The following TUBD1 variants were observed in gnomAD, a reference collection of about 807,000 sequenced individuals.
TUBD1 encodes the protein tubulin delta 1, also known as tubulin delta chain.
In TUBD1, 38 loss-of-function variants were observed where a neutral mutation model predicts 51.2. The ratio of observed to expected loss-of-function variants is 0.74; its 90% CI spans 0.57 to 0.97. TUBD1 has a LOEUF of 0.97. Among genes scored for constraint, TUBD1 ranks in the 50% least tolerant of loss-of-function variants. The pLI is 0.00. For missense variants in TUBD1, 489 were observed against 538.4 expected (o/e 0.91, Z 0.91); for synonymous variants, 169 against 178.2 (o/e 0.95, Z 0.41).
At chr17:59,867,380 T>C (rs1029825766) in intron 6 of TUBD1, among the ~76,000 whole-genome samples, 1 of 152,110 alleles carries the variant, frequency 6.6e-6, no homozygotes, top group African/African-American at 2.4e-5. Context: ...CTAGACTTTG[T>C]TGGGGCAAAA....
At chr17:59,881,142 A>G (rs2040472169) in intron 3 of TUBD1, 32 bp from the exon 4 acceptor site, 7 of 1,520,788 alleles carry the variant, frequency 4.6e-6, no homozygotes, top group Non-Finnish European at 5.5e-6. Context: ...AAACACAAAC[A>G]CTTTTCAATT....
chr17:59,890,303 G>A (rs2040939231), intron 2 of TUBD1, among the ~76,000 whole-genome samples: 1 of 152,118 alleles, frequency 6.6e-6, no homozygotes, highest in Non-Finnish European at 1.5e-5. Flanking sequence ...GAGGGCAGTG[G>A]TGCGGTCTCG....
intron 7 of TUBD1, 34 bp from the exon 8 acceptor site, chr17:59,863,881 A>G: frequency 7.3e-7 from 1 of 1,374,702 alleles, no homozygotes; most frequent in East Asian, 2.7e-5. Context: ...GTCTTTTTAT[A>G]GCATAAATTA....
At chr17:59,872,200 G>A (rs952463403) in intron 6 of TUBD1, among the ~76,000 whole-genome samples, 1 of 152,038 alleles carries the variant, frequency 6.6e-6, no homozygotes, top group African/African-American at 2.4e-5. Context: ...GAACTTGTCC[G>A]CCTCGGCCTC....
chr17:59,875,796 T>A (rs1339510101), intron 5 of TUBD1, among the ~76,000 whole-genome samples: 5 of 151,988 alleles, frequency 3.3e-5, no homozygotes, highest in Non-Finnish European at 7.4e-5. Context: ...AAGACAAGAT[T>A]AGATATTCCT....
intron 2 of TUBD1, among the ~76,000 whole-genome samples, chr17:59,889,668 C>CAAAAAA (rs1195587619): frequency 1.9e-3 from 101 of 53,018 alleles, no homozygotes; most frequent in Middle Eastern, 0.015. Flanking sequence ...GACTCTGTCT[C>CAAAAAA]AAAAAAAAAA....
chr17:59,861,461 A>C (rs1264852942), intron 8 of TUBD1, among the ~76,000 whole-genome samples: 1 of 151,742 alleles, frequency 6.6e-6, no homozygotes, highest in Non-Finnish European at 1.5e-5. Context: ...GGCCTTCCAA[A>C]GTGCTGGGGT....
In TUBD1 at chr17:59,877,228, T is replaced by A. The variant is rs113951911; in HGVS notation, c.769+875A>T. On this transcript the variant is annotated intron_variant, in intron 5 of 8. Coordinates refer to ENST00000325752, the MANE Select transcript of TUBD1 (RefSeq NM_016261.4). ...CACCTGCCTTTCAATCAATCAGTCTTCCTCTTTCTGGCAAAATCCCAGTCT... is the reference window on the plus strand; with the variant it reads ...CACCTGCCTTTCAATCAATCAGTCTACCTCTTTCTGGCAAAATCCCAGTCT... 5.3e-3 allele frequency among the ~76,000 whole-genome samples: 808 copies of A among 152,302 alleles called. 10 individuals are homozygous for A. The highest frequency in any genetic ancestry group is 0.019 in the African/African-American group (771 of 41,576).
At chr17:59,878,973 G>A (rs2040355695) in intron 4 of TUBD1, among the ~76,000 whole-genome samples, 1 of 152,114 alleles carries the variant, frequency 6.6e-6, no homozygotes, top group South Asian at 2.1e-4. Context: ...ACAGGAAATT[G>A]GCTTATATAG....
At chr17:59,867,169 T>C (rs1313678714) in intron 6 of TUBD1, among the ~76,000 whole-genome samples, 2 of 151,768 alleles carry the variant, frequency 1.3e-5, no homozygotes, top group East Asian at 3.9e-4. Context: ...ATTTTAGGTT[T>C]TTTTTTTGGA....
At chr17:59,882,433 C>T (rs557287881) in intron 3 of TUBD1, among the ~76,000 whole-genome samples, 2 of 151,744 alleles carry the variant, frequency 1.3e-5, no homozygotes, top group East Asian at 1.9e-4. Context: ...ATTAAAGGTG[C>T]GCGCCACCAC....
At chr17:59,861,016 A>G (rs1007558447) in intron 8 of TUBD1, among the ~76,000 whole-genome samples, 1 of 151,998 alleles carries the variant, frequency 6.6e-6, no homozygotes, top group Non-Finnish European at 1.5e-5. Context: ...ATATACATAT[A>G]TAACACCCTA....
At chr17:59,889,067 G>C (rs1287141664) in intron 2 of TUBD1, among the ~76,000 whole-genome samples, 1 of 136,340 alleles carries the variant, frequency 7.3e-6, no homozygotes, top group Non-Finnish European at 1.5e-5. Context: ...CCAGGCTGGA[G>C]TGCAGTGGCG....
Position 59,860,427 on chromosome 17 carries a change from G to GTT in TUBD1, c.1260-4_1260-3insAA. The stretch of plus-strand genomic sequence containing the variant: ...TTGTGTACTGATGAATGTAGGCTCT[G>GTT]GTAGAAAAAAAAAAAAAACAGAAAT... On this transcript the variant is annotated splice_region_variant and splice_polypyrimidine_tract_variant and intron_variant, in intron 8 of 8. Coordinates refer to ENST00000325752, the MANE Select transcript of TUBD1 (RefSeq NM_016261.4). The GTT allele has an allele frequency of 6.7e-7, 1 of 1,487,176 alleles. No homozygotes were observed. Among genetic ancestry groups the GTT allele is most frequent in the Non-Finnish European group, 9.2e-7 (1 of 1,092,822 alleles). 92.1% of individuals were successfully genotyped at this position (1,487,176 alleles called of 1,614,324 possible).
intron 5 of TUBD1, among the ~76,000 whole-genome samples, chr17:59,877,145 C>A (rs2040263490): frequency 6.6e-6 from 1 of 152,186 alleles, no homozygotes; most frequent in East Asian, 1.9e-4. Context: ...AGGCGTGAGC[C>A]ACCACGCCTG....
chr17:59,889,010 CTTTTTT>C (rs756097623), intron 2 of TUBD1, among the ~76,000 whole-genome samples: 35 of 55,796 alleles, frequency 6.3e-4, no homozygotes, highest in Non-Finnish European at 9.0e-4. Context: ...CCATGCCTGG[CTTTTTT>C]TTTTTTTTTT....
At chr17:59,881,928 CA>C (rs986438245) in intron 3 of TUBD1, among the ~76,000 whole-genome samples, 4 of 152,106 alleles carry the variant, frequency 2.6e-5, no homozygotes, top group African/African-American at 9.7e-5. Flanking sequence ...CTCAACCTCC[CA>C]AAGTGCTAAG....
chr17:59,886,377 T>C, intron 2 of TUBD1, 147 bp from the exon 3 acceptor site: 1 of 806,276 alleles, frequency 1.2e-6, no homozygotes, highest in African/African-American at 1.7e-5. Flanking sequence ...TCGTACTGCT[T>C]AGAAATCTCA....
chr17:59,859,914 T>C lies in TUBD1; in HGVS notation c.*408A>G, dbSNP rs759275190. ...TGTTTTCATTGAAAACATGCGATTCTCCATTTTAAAAAGTTTTCTTCCTTT... is the reference window on the plus strand; with the variant it reads ...TGTTTTCATTGAAAACATGCGATTCCCCATTTTAAAAAGTTTTCTTCCTTT... On this transcript the variant is annotated 3_prime_UTR_variant, in exon 9 of 9. Transcript: ENST00000325752. 1 of 152,472 alleles carries C rather than the reference T, an allele frequency of 6.6e-6. No homozygotes were observed. Among genetic ancestry groups the C allele is most frequent in the African/African-American group, 2.4e-5 (1 of 41,420 alleles). The allele number at this position is 152,472 out of a possible 1,614,324, so 9.4% of individuals were successfully genotyped here.
Sources: allele counts gnomAD v4.1 joint callset (sites outside exome capture counted in the v4.1 genomes callset), GRCh38; gene constraint gnomAD v4.1.1; transcripts MANE v1.5; gene names NCBI Gene and HGNC (gene_info 2026-07-23, HGNC 2026-07-21).